BCKDHB: variants seen among roughly 807,000 people sequenced by gnomAD.
The protein encoded by BCKDHB is 2-oxoisovalerate dehydrogenase subunit beta, mitochondrial.
Under a neutral mutation model 48.5 loss-of-function variants are expected in BCKDHB, and 41 were observed. The ratio of observed to expected loss-of-function variants is 0.85; its 90% CI spans 0.66 to 1.10. The LOEUF is 1.10. BCKDHB is among the 50% of genes least tolerant of loss of function. The pLI is 0.00. For synonymous variants in BCKDHB, 201 were observed against 174.8 expected, an observed-to-expected ratio of 1.15 and a Z score of -1.18; for missense variants, 496 against 494.2, an observed-to-expected ratio of 1.00 and a Z score of -0.03.
chr6:80,224,270 G>A lies in BCKDHB; in HGVS notation c.951+21058G>A, dbSNP rs144204448. 8.5e-5 allele frequency among the ~76,000 whole-genome samples: 13 copies of A among 152,160 alleles called. No individual in the cohort carries two copies. In the East Asian group the frequency reaches 2.3e-3, roughly 27 times the overall value. ...CCCATGAGGTTTATTCTTCTATCAT[G>A]TATAATAAACTGATGAAATAACCAT... On this transcript the variant is annotated intron_variant, in intron 8 of 9. Coordinates refer to ENST00000320393, the MANE Select transcript of BCKDHB (RefSeq NM_183050.4).
chr6:80,316,262 T>C (rs1768438497), intron 9 of BCKDHB, among the ~76,000 whole-genome samples: 1 of 152,044 alleles, frequency 6.6e-6, no homozygotes, highest in East Asian at 1.9e-4. Context: ...CTTAAGATTT[T>C]AAGCCATGCT....
the BCKDHB span, among the ~76,000 whole-genome samples, chr6:80,446,153 G>A: frequency 1.4e-4 from 21 of 152,246 alleles, no homozygotes; most frequent in Admixed American, 3.3e-4. Context: ...AATAATTTCC[G>A]GAATTAGTGG....
chr6:80,461,392 C>T, the BCKDHB span, among the ~76,000 whole-genome samples: 3 of 152,114 alleles, frequency 2.0e-5, no homozygotes, highest in African/African-American at 7.2e-5. Context: ...TATTCATTGT[C>T]AGTGTCTCAG....
At chr6:80,306,523 A>C (rs1031852193) in intron 9 of BCKDHB, among the ~76,000 whole-genome samples, 9 of 152,230 alleles carry the variant, frequency 5.9e-5, no homozygotes, top group Non-Finnish European at 1.3e-4. Context: ...TTGATGAATG[A>C]GTAAGTGTCC....
the BCKDHB span, among the ~76,000 whole-genome samples, chr6:80,409,398 C>T: frequency 6.6e-6 from 1 of 151,244 alleles, no homozygotes; most frequent in African/African-American, 2.4e-5. Context: ...ATTAGGTCCA[C>T]TTGGTGCAGA....
chr6:80,302,506 A>G (rs1767639420), intron 9 of BCKDHB, among the ~76,000 whole-genome samples: 1 of 152,176 alleles, frequency 6.6e-6, no homozygotes, highest in Non-Finnish European at 1.5e-5. Flanking sequence ...TTCTGTAATC[A>G]TGACATAATC....
At chr6:80,315,551 A>G (rs1768401276) in intron 9 of BCKDHB, among the ~76,000 whole-genome samples, 1 of 150,514 alleles carries the variant, frequency 6.6e-6, no homozygotes, top group Non-Finnish European at 1.5e-5. Context: ...TGTGAGTGCC[A>G]CGCACTACAG....
the BCKDHB span, among the ~76,000 whole-genome samples, chr6:80,386,537 T>C: frequency 1.3e-5 from 2 of 152,164 alleles, no homozygotes; most frequent in African/African-American, 4.8e-5. Flanking sequence ...TCAGATCTAA[T>C]GGTGGGAACT....
chr6:80,394,888 G>C, the BCKDHB span, among the ~76,000 whole-genome samples: 3 of 152,152 alleles, frequency 2.0e-5, no homozygotes, highest in African/African-American at 7.2e-5. Flanking sequence ...CTATGCTGCT[G>C]TTCTTGTGAT....
Position 80,178,794 on chromosome 6 carries a change from T to A in BCKDHB, c.742+7404T>A, listed in dbSNP as rs1773282476. ...CATGTTTGGCACAGATGGTGACTTTTAAGAAACTTGCTCAAGCTCACAGAA... is the reference window on the plus strand; with the variant it reads ...CATGTTTGGCACAGATGGTGACTTTAAAGAAACTTGCTCAAGCTCACAGAA... On this transcript the variant is annotated intron_variant, in intron 6 of 9. Coordinates refer to ENST00000320393, the MANE Select transcript of BCKDHB (RefSeq NM_183050.4). 2.6e-5 allele frequency among the ~76,000 whole-genome samples: 4 copies of A among 152,318 alleles called. 1 individual carries two copies. In the South Asian group the frequency reaches 8.3e-4, roughly 32 times the overall value.
At chr6:80,316,338 CATT>C (rs1264930395) in intron 9 of BCKDHB, among the ~76,000 whole-genome samples, 3 of 151,234 alleles carry the variant, frequency 2.0e-5, no homozygotes, top group Non-Finnish European at 4.4e-5. Context: ...AATTCTGTAT[CATT>C]ATGAGACAAA....
intron 3 of BCKDHB, among the ~76,000 whole-genome samples, chr6:80,161,220 T>C (rs1772299702): frequency 6.6e-6 from 1 of 152,224 alleles, no homozygotes; most frequent in Non-Finnish European, 1.5e-5. Context: ...GATAGGAATT[T>C]CAACATCCTA....
intron 8 of BCKDHB, among the ~76,000 whole-genome samples, chr6:80,261,073 G>T (rs1369589016): frequency 6.6e-6 from 1 of 152,076 alleles, no homozygotes; most frequent in East Asian, 1.9e-4. Flanking sequence ...TATTACCTTA[G>T]TTATTCCCAT....
the BCKDHB span, among the ~76,000 whole-genome samples, chr6:80,380,645 C>A: frequency 6.6e-6 from 1 of 151,960 alleles, no homozygotes; most frequent in Non-Finnish European, 1.5e-5. Flanking sequence ...AATAATCAGA[C>A]AACCCACAGA....
At chr6:80,372,446 T>C in the BCKDHB span, among the ~76,000 whole-genome samples, 3 of 152,220 alleles carry the variant, frequency 2.0e-5, no homozygotes, top group East Asian at 3.9e-4. Flanking sequence ...TTATTTCTTG[T>C]TCTTATCTGA....
At chr6:80,328,389 C>T (rs1343623036) in intron 9 of BCKDHB, among the ~76,000 whole-genome samples, 1 of 152,208 alleles carries the variant, frequency 6.6e-6, no homozygotes, top group African/African-American at 2.4e-5. Context: ...TAGTTGATAA[C>T]AGATTCAGGA....
chr6:80,357,938 T>C, the BCKDHB span, among the ~76,000 whole-genome samples: 2 of 152,186 alleles, frequency 1.3e-5, no homozygotes, highest in African/African-American at 4.8e-5. Flanking sequence ...ATAGATTCCT[T>C]AGAAAGTATT....
At chr6:80,150,059 A>G (rs1056349833) in intron 3 of BCKDHB, among the ~76,000 whole-genome samples, 56 of 151,574 alleles carry the variant, frequency 3.7e-4, no homozygotes, top group Admixed American at 2.0e-3. Flanking sequence ...TTTTTCCCCC[A>G]TATTCTTGGC....
the BCKDHB span, among the ~76,000 whole-genome samples, chr6:80,381,354 T>C: frequency 2.0e-5 from 3 of 152,088 alleles, no homozygotes; most frequent in African/African-American, 7.2e-5. Flanking sequence ...TCTCAATATA[T>C]TTAGTTCCTC....
Sources: allele counts gnomAD v4.1 joint callset (sites outside exome capture counted in the v4.1 genomes callset), GRCh38; gene constraint gnomAD v4.1.1; transcripts MANE v1.5; gene names NCBI Gene and HGNC (gene_info 2026-07-23, HGNC 2026-07-21).